Variants in ZFP64 observed in about 807,000 individuals in gnomAD.
ZFP64 encodes ZFP64 zinc finger protein.
Under a neutral mutation model 51.6 loss-of-function variants are expected in ZFP64, and 14 were observed. The observed-to-expected ratio is 0.27, with a 90% CI of 0.18 to 0.42. The LOEUF is 0.42. ZFP64 is among the 10% of genes least tolerant of loss of function. ZFP64 has a pLI of 1.00. For missense variants in ZFP64, 754 were observed against 906.8 expected, an observed-to-expected ratio of 0.83 and a Z score of 2.16; for synonymous variants, 375 against 361.4, an observed-to-expected ratio of 1.04 and a Z score of -0.43.
chr20:52,101,081 G>A (rs2079045072), intron 5 of ZFP64, among the ~76,000 whole-genome samples: 1 of 152,134 alleles, frequency 6.6e-6, no homozygotes, highest in Admixed American at 6.5e-5. Flanking sequence ...GTTTGAGAAT[G>A]GCATCTAGTG....
chr20:52,164,266 C>A (rs927314154), intron 4 of ZFP64, among the ~76,000 whole-genome samples: 1 of 152,154 alleles, frequency 6.6e-6, no homozygotes, highest in Non-Finnish European at 1.5e-5. Context: ...CAGAGTGAGA[C>A]CCTGTCTCAA....
chr20:52,151,870 C>A lies in ZFP64; in HGVS notation c.*276G>T. ...AGTTCAACATGATGAAACCCCGTCT[C>A]TACTAAATATACAAAAATTAGCCAG... On this transcript the variant is annotated 3_prime_UTR_variant, in exon 6 of 6. Coordinates refer to ENST00000216923, the MANE Select transcript of ZFP64 (RefSeq NM_018197.3). 1 of 971,432 alleles carries A rather than the reference C, an allele frequency of 1.0e-6. No homozygotes were observed. The highest frequency in any genetic ancestry group is 1.3e-6 in the Non-Finnish European group (1 of 744,102). 60.2% of individuals were successfully genotyped at this position (971,432 alleles called of 1,614,324 possible). A position where few individuals can be genotyped will look rare whatever the true frequency, so the allele number is the denominator to read the frequency against.
rs556597412 is a variant in ZFP64 at position 52,158,434 on chromosome 20, G to A, written c.763+1689C>T. Among the ~76,000 whole-genome samples, 16 of 152,268 alleles carry A rather than the reference G, an allele frequency of 1.1e-4. No homozygotes were observed. In the South Asian group the frequency reaches 1.9e-3, roughly 18 times the overall value. On this transcript the variant is annotated intron_variant, in intron 5 of 5. Transcript: ENST00000216923. ...AAATGGTCCCAATTCAGCCCAGCGCGGTGGCTAACACCTGTAATCCTAGCA... is the reference window on the plus strand; with the variant it reads ...AAATGGTCCCAATTCAGCCCAGCGCAGTGGCTAACACCTGTAATCCTAGCA...
At chr20:52,183,581 C>A (rs909071473) in intron 2 of ZFP64, among the ~76,000 whole-genome samples, 1 of 152,116 alleles carries the variant, frequency 6.6e-6, no homozygotes, top group Non-Finnish European at 1.5e-5. Context: ...CTACCAGGCC[C>A]ACTTTTAAGG....
At chr20:52,186,763 A>T in intron 2 of ZFP64, 69 bp downstream of exon 2, 1 of 1,524,708 alleles carries the variant, frequency 6.6e-7, no homozygotes, top group Non-Finnish European at 8.8e-7. Context: ...TATTTTTAAC[A>T]AGTTCCATGG....
intron 5 of ZFP64, among the ~76,000 whole-genome samples, chr20:52,127,429 C>A (rs964612128): frequency 3.9e-5 from 6 of 152,090 alleles, no homozygotes; most frequent in African/African-American, 1.4e-4. Flanking sequence ...GTAATTGGAT[C>A]ATGGGGGCGG....
Position 52,145,563 on chromosome 20 carries a change from G to A in ZFP64, c.763+14560C>T, listed in dbSNP as rs932871264. ...TGAGGTGGGAGGATCACCTGAGCCT[G>A]GGGAGGTAGAGGCTGCAGTGAGCTG... On this transcript the variant is annotated intron_variant, in intron 5 of 8. Transcript: ENST00000361387. 1.5e-4 allele frequency among the ~76,000 whole-genome samples: 23 copies of A among 152,124 alleles called. 1 individual carries two copies. The highest frequency in any genetic ancestry group is 2.2e-4 in the Non-Finnish European group (15 of 68,010).
chr20:52,151,770 G>A lies in ZFP64; in HGVS notation c.*376C>T, dbSNP rs1600756955. 9 of 1,030,082 alleles carry A rather than the reference G, an allele frequency of 8.7e-6. No homozygotes were observed. Among genetic ancestry groups the A allele is most frequent in the Middle Eastern group, 4.8e-4 (1 of 2,062 alleles). 63.8% of individuals were successfully genotyped at this position (1,030,082 alleles called of 1,614,324 possible). ...CTTAAAAACATTAAGAGCAAACCAC[G>A]GCCAGGCATGGTGGCTCACACCTGT... On this transcript the variant is annotated 3_prime_UTR_variant, in exon 6 of 6. Coordinates refer to ENST00000216923, the MANE Select transcript of ZFP64 (RefSeq NM_018197.3).
intron 7 of ZFP64, chr20:52,096,920 T>C (rs1340452432): frequency 5.2e-6 from 2 of 381,606 alleles, no homozygotes; most frequent in Admixed American, 3.6e-5. Flanking sequence ...AGATAGTATT[T>C]TAGGCTTTGT....
chr20:52,154,265 G>A (rs1981125637), intron 5 of ZFP64, among the ~76,000 whole-genome samples: 1 of 152,144 alleles, frequency 6.6e-6, no homozygotes, highest in African/African-American at 2.4e-5. Flanking sequence ...GCTATGCTGA[G>A]CACTCCACAA....
intron 5 of ZFP64, among the ~76,000 whole-genome samples, chr20:52,119,746 C>T (rs1979085369): frequency 6.6e-6 from 1 of 151,202 alleles, no homozygotes; most frequent in African/African-American, 2.4e-5. Context: ...AACAAAAAAA[C>T]AACCAAACAA....
chr20:52,183,196 T>C (rs887369876), intron 2 of ZFP64, among the ~76,000 whole-genome samples: 4 of 152,050 alleles, frequency 2.6e-5, no homozygotes, highest in Non-Finnish European at 5.9e-5. Flanking sequence ...TTTGTGAAGA[T>C]TGTCATGAAA....
chr20:52,094,416 T>C (rs2078961931), intron 7 of ZFP64, among the ~76,000 whole-genome samples: 1 of 152,134 alleles, frequency 6.6e-6, no homozygotes, highest in South Asian at 2.1e-4. Flanking sequence ...CAAACATAAA[T>C]CAGTCTCCTT....
At chr20:52,169,775 T>C (rs979920306) in intron 2 of ZFP64, among the ~76,000 whole-genome samples, 2 of 152,230 alleles carry the variant, frequency 1.3e-5, no homozygotes, top group Non-Finnish European at 2.9e-5. Context: ...TAGTCCCAGC[T>C]GGGTGCAGTG....
chr20:52,182,114 C>A (rs1227065729), intron 2 of ZFP64, among the ~76,000 whole-genome samples: 1 of 152,182 alleles, frequency 6.6e-6, no homozygotes, highest in African/African-American at 2.4e-5. Flanking sequence ...AGAATTCTCA[C>A]AATAACGCAA....
At chr20:52,097,583 T>C (rs755436033) in intron 6 of ZFP64, 183 of 685,316 alleles carry the variant, frequency 2.7e-4, no homozygotes, top group Non-Finnish European at 4.1e-4. Flanking sequence ...GCCTCCTGAG[T>C]AGCTGGGATT....
intron 2 of ZFP64, among the ~76,000 whole-genome samples, chr20:52,178,708 G>GCCC (rs1316851134): frequency 6.7e-6 from 1 of 148,996 alleles, no homozygotes; most frequent in Middle Eastern, 3.2e-3. Context: ...ATTAGGAAAT[G>GCCC]CCCCCTTTCC....
chr20:52,188,869 G>T (rs1984166954), intron 1 of ZFP64, among the ~76,000 whole-genome samples: 1 of 151,832 alleles, frequency 6.6e-6, no homozygotes, highest in Non-Finnish European at 1.5e-5. Flanking sequence ...CCAGCTACTA[G>T]AGAGGCTGAG....
intron 5 of ZFP64, among the ~76,000 whole-genome samples, chr20:52,101,808 C>T (rs1286943210): frequency 6.6e-6 from 1 of 151,796 alleles, no homozygotes; most frequent in African/African-American, 2.4e-5. Context: ...CCAGCATCAC[C>T]TGAGAGCTTG....
Sources: gnomAD v4.1 joint callset for allele counts (sites outside exome capture counted in the v4.1 genomes callset) on GRCh38, gnomAD v4.1.1 for gene constraint, MANE v1.5 for transcripts, NCBI Gene and HGNC (gene_info 2026-07-23, HGNC 2026-07-21) for gene names.